Variants in FAM13A observed in about 807,000 individuals in gnomAD.
FAM13A encodes the protein family with sequence similarity 13 member A.
FAM13A carries 76 observed loss-of-function variants against 129.6 expected under a neutral mutation model. That is an observed-to-expected ratio of 0.59 (90% CI 0.49 to 0.71). The LOEUF (loss-of-function observed/expected upper bound fraction) is 0.71, where lower values mean the gene tolerates loss of function less well. Ranked by LOEUF, FAM13A falls within the 30% of genes least tolerant of loss-of-function variation. The pLI is 0.00. For missense variants in FAM13A, 1,108 were observed against 1,249.3 expected (o/e 0.89, Z 1.70); for synonymous variants, 443 against 449.9 (o/e 0.98, Z 0.20).
At chr4:88,807,261 G>A (rs1158112743) in intron 7 of FAM13A, among the ~76,000 whole-genome samples, 1 of 152,138 alleles carries the variant, frequency 6.6e-6, no homozygotes, top group South Asian at 2.1e-4. Context: ...TTAGCTATTT[G>A]TGTGTGTCTG....
At chr4:88,945,036 TATTTTGCAAACAAATTAGTC>T (rs1755439125) in intron 4 of FAM13A, among the ~76,000 whole-genome samples, 1 of 152,202 alleles carries the variant, frequency 6.6e-6, no homozygotes, top group Non-Finnish European at 1.5e-5. Context: ...AGACTAAACT[TATTTTGCAAACAAATTAGTC>T]TTACCCTGAT....
rs1368835674 is a variant in FAM13A, at chr4:88,814,959, C to T, written c.1008-9907G>A. On this transcript the variant is annotated intron_variant, in intron 7 of 23. Coordinates refer to ENST00000264344, the MANE Select transcript of FAM13A (RefSeq NM_014883.4). ...TCCTGGGCTAGAGTGACCCTCCTAC[C>T]TCAGCTTGTAGGTAGGACTACAGGC... Among the ~76,000 whole-genome samples, 63 of 151,960 alleles carry T rather than the reference C, an allele frequency of 4.1e-4. 1 individual carries two copies. Among genetic ancestry groups the T allele is most frequent in the Admixed American group, 4.1e-3 (63 of 15,230 alleles).
chr4:88,981,253 T>C (rs952312852), intron 4 of FAM13A, among the ~76,000 whole-genome samples: 1 of 152,148 alleles, frequency 6.6e-6, no homozygotes, highest in Non-Finnish European at 1.5e-5. Context: ...GACATACATG[T>C]TATCAAATTG....
At chr4:88,861,935 A>G (rs953259605) in intron 6 of FAM13A, among the ~76,000 whole-genome samples, 1 of 152,264 alleles carries the variant, frequency 6.6e-6, no homozygotes, top group Non-Finnish European at 1.5e-5. Context: ...ATAGTAAGTG[A>G]TGAATCTAGG....
intron 8 of FAM13A, among the ~76,000 whole-genome samples, chr4:88,790,981 C>T (rs1388896327): frequency 6.6e-6 from 1 of 152,066 alleles, no homozygotes; most frequent in Admixed American, 6.6e-5. Context: ...GCCTTCCTGC[C>T]ACCTACTTCA....
intron 6 of FAM13A, among the ~76,000 whole-genome samples, chr4:88,884,427 A>T (rs956289865): frequency 1.3e-5 from 2 of 152,192 alleles, no homozygotes; most frequent in African/African-American, 4.8e-5. Context: ...AGAGGCACAA[A>T]AAGTATTTGA....
chr4:88,959,033 C>T (rs1430505856), intron 4 of FAM13A, among the ~76,000 whole-genome samples: 1 of 152,142 alleles, frequency 6.6e-6, no homozygotes, highest in Admixed American at 6.6e-5. Flanking sequence ...TTGATTTTTC[C>T]CATTTAGAAT....
At chr4:88,969,354 G>C (rs1000953569) in intron 4 of FAM13A, among the ~76,000 whole-genome samples, 1 of 152,134 alleles carries the variant, frequency 6.6e-6, no homozygotes, top group African/African-American at 2.4e-5. Flanking sequence ...TTGATTGTTT[G>C]CCAATACAGG....
chr4:88,837,246 C>A (rs959092227), intron 7 of FAM13A, among the ~76,000 whole-genome samples: 9 of 151,392 alleles, frequency 5.9e-5, no homozygotes, highest in African/African-American at 2.2e-4. Context: ...CCACCCACCT[C>A]GGCCTCCCAA....
chr4:88,843,328 G>T (rs1184517350), intron 7 of FAM13A, among the ~76,000 whole-genome samples: 1 of 152,242 alleles, frequency 6.6e-6, no homozygotes, highest in Non-Finnish European at 1.5e-5. Flanking sequence ...TGCCCCCGCA[G>T]TCGGCTATGA....
chr4:88,905,147 ATG>A, intron 6 of FAM13A, among the ~76,000 whole-genome samples: 1 of 152,048 alleles, frequency 6.6e-6, no homozygotes, highest in African/African-American at 2.4e-5. Flanking sequence ...GTAAGTATGT[ATG>A]TGTGTATATA....
chr4:88,887,174 T>C (rs1011010329), intron 6 of FAM13A, among the ~76,000 whole-genome samples: 7 of 152,004 alleles, frequency 4.6e-5, no homozygotes, highest in South Asian at 2.1e-4. Flanking sequence ...AGACTACACA[T>C]TGGGTACAGT....
chr4:88,835,110 T>A (rs1385555949), intron 7 of FAM13A, among the ~76,000 whole-genome samples: 2 of 152,204 alleles, frequency 1.3e-5, no homozygotes, highest in African/African-American at 4.8e-5. Context: ...ATTCCACACA[T>A]GCTCAGCAGG....
intron 4 of FAM13A, chr4:88,990,683 T>G: frequency 4.6e-6 from 1 of 216,014 alleles, no homozygotes. Context: ...ACATTTCTGA[T>G]TACAGATTTT....
At chr4:89,040,848 C>T (rs187254932) in intron 1 of FAM13A, among the ~76,000 whole-genome samples, 44 of 152,260 alleles carry the variant, frequency 2.9e-4, no homozygotes, top group African/African-American at 1.1e-3. Context: ...GAGAGGCAGA[C>T]CCACCCTCAG....
intron 1 of FAM13A, among the ~76,000 whole-genome samples, chr4:89,046,040 G>T (rs72665888): frequency 0.016 from 2,182 of 132,324 alleles, 44 homozygotes; most frequent in African/African-American, 0.046. Context: ...AAAAAAAAAA[G>T]AAAAAATAAA....
At chr4:88,732,337 C>T (rs1231773355) in intron 21 of FAM13A, 139 bp from the exon 22 acceptor site, 2 of 554,116 alleles carry the variant, frequency 3.6e-6, no homozygotes, top group East Asian at 2.9e-5. Flanking sequence ...CACATATGTA[C>T]ATTACAGATA....
chr4:88,974,215 C>T (rs1760577614), intron 4 of FAM13A, among the ~76,000 whole-genome samples: 1 of 152,100 alleles, frequency 6.6e-6, no homozygotes, highest in South Asian at 2.1e-4. Flanking sequence ...CGGGAGCTTC[C>T]AGCAATTTGT....
chr4:88,800,421 G>A (rs1365037924), intron 8 of FAM13A, among the ~76,000 whole-genome samples: 4 of 151,912 alleles, frequency 2.6e-5, no homozygotes, highest in Non-Finnish European at 4.4e-5. Context: ...GCGGTGGCTC[G>A]CACCTGTAAT....
Sources: allele counts gnomAD v4.1 joint callset (sites outside exome capture counted in the v4.1 genomes callset), GRCh38; gene constraint gnomAD v4.1.1; transcripts MANE v1.5; gene names NCBI Gene and HGNC (gene_info 2026-07-23, HGNC 2026-07-21).